The following XYLT1 variants were observed in gnomAD, a reference collection of about 807,000 sequenced individuals.
XYLT1 encodes the protein xylosyltransferase 1.
A neutral mutation model predicts 91.3 loss-of-function variants in XYLT1; 36 were observed. That is an observed-to-expected ratio of 0.39 (90% CI 0.30 to 0.52). XYLT1 has a LOEUF of 0.52. Ranked by LOEUF, XYLT1 falls within the 20% of genes least tolerant of loss-of-function variation. The pLI is 0.68. For synonymous variants in XYLT1, 588 were observed against 532.0 expected (o/e 1.11, Z -1.45); for missense variants, 1,242 against 1,284.5 (o/e 0.97, Z 0.51).
intron 1 of XYLT1, among the ~76,000 whole-genome samples, chr16:17,441,212 C>A (rs560756032): frequency 6.6e-6 from 1 of 151,470 alleles, no homozygotes; most frequent in Non-Finnish European, 1.5e-5. Context: ...GTAGCTGGGA[C>A]GACAGGAAAA....
chr16:17,199,126 T>A (rs1041950667), intron 4 of XYLT1, among the ~76,000 whole-genome samples: 5 of 152,210 alleles, frequency 3.3e-5, no homozygotes, highest in African/African-American at 1.2e-4. Context: ...AACCCATGTA[T>A]ATTTCGGAGG....
intron 1 of XYLT1, among the ~76,000 whole-genome samples, chr16:17,417,705 T>G (rs1259260836): frequency 6.6e-6 from 1 of 152,248 alleles, no homozygotes; most frequent in Non-Finnish European, 1.5e-5. Context: ...CGAAAGGTAG[T>G]GTCTTATTCC....
intron 3 of XYLT1, among the ~76,000 whole-genome samples, chr16:17,223,218 G>A (rs2033003604): frequency 1.3e-5 from 2 of 152,182 alleles, no homozygotes; most frequent in African/African-American, 4.8e-5. Context: ...CACTCACAGA[G>A]GAATGCTTCC....
chr16:17,347,375 G>T (rs1320052755), intron 2 of XYLT1, among the ~76,000 whole-genome samples: 1 of 152,136 alleles, frequency 6.6e-6, no homozygotes, highest in Non-Finnish European at 1.5e-5. Context: ...TACCAACTTG[G>T]GACAGACAGA....
chr16:17,144,352 T>G (rs943552013), intron 6 of XYLT1, among the ~76,000 whole-genome samples: 4 of 152,304 alleles, frequency 2.6e-5, no homozygotes, highest in Admixed American at 1.3e-4. Context: ...ACGACAGGCT[T>G]TATCTTCTAG....
intron 1 of XYLT1, among the ~76,000 whole-genome samples, chr16:17,385,803 A>G (rs751682977): frequency 6.6e-6 from 1 of 152,074 alleles, no homozygotes; most frequent in Non-Finnish European, 1.5e-5. Flanking sequence ...AGTCTATGAA[A>G]TTGATTCTAA....
chr16:17,254,871 A>T lies in XYLT1; in HGVS notation c.913+4117T>A, dbSNP rs995559275. ...TGACTGCAAGGAGGTTGGCACCCCTAACCCCAGAATTCTTCAAGGGTCAAC... is the reference window on the plus strand; with the variant it reads ...TGACTGCAAGGAGGTTGGCACCCCTTACCCCAGAATTCTTCAAGGGTCAAC... On this transcript the variant is annotated intron_variant, in intron 3 of 11. Coordinates refer to ENST00000261381, the MANE Select transcript of XYLT1 (RefSeq NM_022166.4). 1.1e-4 allele frequency among the ~76,000 whole-genome samples: 16 copies of T among 152,326 alleles called. No homozygotes were observed. The South Asian group carries it at 3.1e-3, about 30-fold the overall frequency.
At position 17,128,543 on chromosome 16, in the gene XYLT1, G is replaced by C. The variant is rs1048098975; in HGVS notation, c.2028-682C>G. Among the ~76,000 whole-genome samples, 5 of 152,236 alleles carry C rather than the reference G, an allele frequency of 3.3e-5. No individual in the cohort carries two copies. In the East Asian group the frequency reaches 5.8e-4, roughly 18 times the overall value. The stretch of plus-strand genomic sequence containing the variant: ...TCTGTTTAAATGTCTGAGGCTCTTC[G>C]TGTCTGCAGCTTAACTGTTTCAGAA... On this transcript the variant is annotated intron_variant, in intron 9 of 11. Transcript: ENST00000261381.
intron 9 of XYLT1, among the ~76,000 whole-genome samples, chr16:17,131,080 C>T (rs991531314): frequency 7.2e-5 from 11 of 152,254 alleles, no homozygotes; most frequent in Middle Eastern, 3.4e-3. Flanking sequence ...AGGCCTGGTC[C>T]GCCTGGATCA....
Position 17,173,847 on chromosome 16 carries a change from A to G in XYLT1, c.1290-14938T>C, listed in dbSNP as rs2031882338. On this transcript the variant is annotated intron_variant, in intron 5 of 11. Transcript: ENST00000261381. ...GGTTTCTTTATCCTTCTGAGCCTCA[A>G]TTTCCTTGTCTAAGTTGAGCAAAGA... is the stretch of plus-strand genomic sequence containing the variant. Among the ~76,000 whole-genome samples, 5 of 152,312 alleles carry G rather than the reference A, an allele frequency of 3.3e-5. No homozygotes were observed. The South Asian group carries it at 1.0e-3, about 32-fold the overall frequency.
intron 1 of XYLT1, among the ~76,000 whole-genome samples, chr16:17,401,848 G>A (rs931550196): frequency 1.2e-4 from 18 of 151,770 alleles, no homozygotes; most frequent in African/African-American, 4.4e-4. Flanking sequence ...AAAAGCCATA[G>A]GCCCAAAGAT....
intron 2 of XYLT1, chr16:17,355,404 T>C (rs1166593700): frequency 1.3e-5 from 2 of 152,062 alleles, no homozygotes; most frequent in African/African-American, 2.4e-5. Context: ...ATAAGTTTAA[T>C]AGGGTATCCT....
intron 2 of XYLT1, among the ~76,000 whole-genome samples, chr16:17,298,730 G>A (rs1363902872): frequency 6.6e-6 from 1 of 152,186 alleles, no homozygotes; most frequent in Non-Finnish European, 1.5e-5. Flanking sequence ...GTCAGCTGCT[G>A]CTTCCTAATG....
chr16:17,191,230 A>C (rs996849472), intron 5 of XYLT1, among the ~76,000 whole-genome samples: 1 of 152,222 alleles, frequency 6.6e-6, no homozygotes, highest in Admixed American at 6.5e-5. Flanking sequence ...AATGCTAGGA[A>C]TGTACGAAGT....
At chr16:17,340,145 G>A (rs58838003) in intron 2 of XYLT1, among the ~76,000 whole-genome samples, 18,542 of 67,988 alleles carry the variant, frequency 0.27, 1,451 homozygotes, top group Admixed American at 0.34. Flanking sequence ...CTATCCATCC[G>A]CCCATCCCTC....
intron 1 of XYLT1, among the ~76,000 whole-genome samples, chr16:17,399,959 T>TA (rs1007716682): frequency 2.0e-5 from 3 of 152,200 alleles, no homozygotes; most frequent in Non-Finnish European, 4.4e-5. Flanking sequence ...GAAAACAAAA[T>TA]AGAGTGGCTG....
rs1966710700 is a variant in XYLT1 at position 17,102,061 on chromosome 16, TG to T, written c.*6633del. On this transcript the variant is annotated 3_prime_UTR_variant, in exon 12 of 12. Coordinates refer to ENST00000261381, the MANE Select transcript of XYLT1 (RefSeq NM_022166.4). Reference sequence around the variant, plus strand: ...CAACCAGGAGGTACTTATAGGAGGTTGTTGCTATAATCCAGTTAGAAGATGA... The same window carrying T: ...CAACCAGGAGGTACTTATAGGAGGTTTTGCTATAATCCAGTTAGAAGATGA... The T allele has an allele frequency of 6.6e-6, 1 of 152,188 alleles. No individual in the cohort carries two copies. 9.4% of individuals were successfully genotyped at this position (152,188 alleles called of 1,614,324 possible). A position where few individuals can be genotyped will look rare whatever the true frequency, so the allele number is the denominator to read the frequency against.
Position 17,138,536 on chromosome 16 carries a change from A to C in XYLT1, c.1588-5T>G. ...CAGGACCGTATGGAAGAAGGACTGC[A>C]GGGGAGAGAGGGACCCAGCCTGAGA... is the stretch of plus-strand genomic sequence containing the variant. On this transcript the variant is annotated splice_region_variant and splice_polypyrimidine_tract_variant and intron_variant, in intron 7 of 11. Transcript: ENST00000261381. The C allele has an allele frequency of 6.2e-7, 1 of 1,612,008 alleles. No individual in the cohort carries two copies. Among genetic ancestry groups the C allele is most frequent in the Non-Finnish European group, 8.5e-7 (1 of 1,178,276 alleles).
Position 17,200,510 on chromosome 16 carries a change from T to G in XYLT1, c.1058A>C (p.Asp353Ala). ...GTCCACGTGGATGTAGTAGAAGTGG[T>G]CTTTGTGGTAGATGGCCTTGAACAT... ...QRMFKAIYHK[D>A]HFYYIHVDKR... is the part of the protein sequence containing the mutation. The change falls in exon 4 of 12, where the codon GAC becomes GCC. Residue 353 changes from aspartate (D) to alanine (A), a missense_variant. Transcript: ENST00000261381. 2 of 1,614,034 alleles carry G rather than the reference T, an allele frequency of 1.2e-6. No individual in the cohort carries two copies. The highest frequency in any genetic ancestry group is 1.7e-6 in the Non-Finnish European group (2 of 1,179,932).
Sources: allele counts gnomAD v4.1 joint callset (sites outside exome capture counted in the v4.1 genomes callset), GRCh38; gene constraint gnomAD v4.1.1; transcripts MANE v1.5; gene names NCBI Gene and HGNC (gene_info 2026-07-23, HGNC 2026-07-21).